The following RAB7A variants were observed in gnomAD, a reference collection of about 807,000 sequenced individuals.
The protein encoded by RAB7A is RAB7A, member RAS oncogene family, also known as ras-related protein Rab-7a.
A neutral mutation model predicts 24.5 loss-of-function variants in RAB7A; 2 were observed. That is an observed-to-expected ratio of 0.08 (90% CI 0.03 to 0.26). RAB7A has a LOEUF of 0.26. RAB7A is among the 10% of genes least tolerant of loss of function. The probability of loss-of-function intolerance (pLI) is 1.00; values close to 1 mark genes in which losing one functional copy is unlikely to be tolerated. For synonymous variants in RAB7A, 100 were observed against 95.9 expected (o/e 1.04, Z -0.25); for missense variants, 118 against 255.7 (o/e 0.46, Z 3.67).
chr3:128,807,388 G>A (rs1008851703), intron 4 of RAB7A, among the ~76,000 whole-genome samples, 155 bp from the exon 5 acceptor site: 2 of 152,024 alleles, frequency 1.3e-5, no homozygotes, highest in Non-Finnish European at 2.9e-5. Context: ...AAGTTTGGAC[G>A]GGTCTGCAGG....
intron 1 of RAB7A, among the ~76,000 whole-genome samples, chr3:128,773,484 C>T (rs1429617755): frequency 5.5e-5 from 8 of 144,726 alleles, no homozygotes; most frequent in Non-Finnish European, 9.5e-5. Flanking sequence ...GGTCAGCCCC[C>T]GCCCAGCAAG....
At chr3:128,779,018 T>G (rs766012013) in intron 1 of RAB7A, among the ~76,000 whole-genome samples, 1 of 152,208 alleles carries the variant, frequency 6.6e-6, no homozygotes, top group Non-Finnish European at 1.5e-5. Flanking sequence ...TAGGAGGAAG[T>G]TAATCATTAT....
At chr3:128,747,738 G>A (rs2070632084) in intron 1 of RAB7A, among the ~76,000 whole-genome samples, 1 of 151,490 alleles carries the variant, frequency 6.6e-6, no homozygotes, top group African/African-American at 2.4e-5. Context: ...CCTGCAGGAA[G>A]CAAAGGATTC....
chr3:128,737,338 CTTTTTTTTTT>C (rs34916629), intron 1 of RAB7A, among the ~76,000 whole-genome samples: 1 of 90,032 alleles, frequency 1.1e-5, no homozygotes, highest in Non-Finnish European at 2.0e-5. Context: ...CGCTCCCGGC[CTTTTTTTTTT>C]TTTTTTTTTT....
chr3:128,732,238 C>T (rs2070446052), intron 1 of RAB7A, among the ~76,000 whole-genome samples: 1 of 151,678 alleles, frequency 6.6e-6, no homozygotes, highest in Admixed American at 6.6e-5. Context: ...TGGGGTTTCA[C>T]CATGTTGGCC....
intron 1 of RAB7A, among the ~76,000 whole-genome samples, chr3:128,755,007 C>T (rs1393823106): frequency 6.6e-6 from 1 of 152,058 alleles, no homozygotes; most frequent in Non-Finnish European, 1.5e-5. Flanking sequence ...ATATAAGAAA[C>T]CAAGTAGATC....
intron 1 of RAB7A, among the ~76,000 whole-genome samples, chr3:128,773,983 C>T (rs1933018121): frequency 6.6e-6 from 1 of 151,236 alleles, no homozygotes; most frequent in Non-Finnish European, 1.5e-5. Flanking sequence ...AACCGGAGAC[C>T]TTTGTTCACT....
chr3:128,737,144 TCTC>T (rs2070497394), intron 1 of RAB7A, among the ~76,000 whole-genome samples: 2 of 151,244 alleles, frequency 1.3e-5, no homozygotes, highest in South Asian at 4.2e-4. Context: ...TTCACGCCCT[TCTC>T]CTGCCTCAGC....
intron 1 of RAB7A, among the ~76,000 whole-genome samples, chr3:128,730,874 T>C (rs992705282): frequency 3.3e-5 from 5 of 152,290 alleles, no homozygotes; most frequent in Admixed American, 3.3e-4. Flanking sequence ...CTGATTCTGT[T>C]GTCCACTTCT....
chr3:128,799,824 T>A (rs1933661087), intron 3 of RAB7A, among the ~76,000 whole-genome samples: 1 of 152,212 alleles, frequency 6.6e-6, no homozygotes, highest in Admixed American at 6.5e-5. Flanking sequence ...CATAAATCCC[T>A]GTCATTCCTG....
chr3:128,808,449 T>G (rs572098936), intron 5 of RAB7A, among the ~76,000 whole-genome samples: 1 of 152,252 alleles, frequency 6.6e-6, no homozygotes, highest in East Asian at 1.9e-4. Context: ...TGCAGGGTGA[T>G]TATGAAGATT....
At chr3:128,784,483 T>C (rs2107606402) in intron 1 of RAB7A, among the ~76,000 whole-genome samples, 2 of 152,218 alleles carry the variant, frequency 1.3e-5, no homozygotes, top group South Asian at 4.1e-4. Flanking sequence ...TCTCCTACCC[T>C]CCCCACTGCA....
At chr3:128,742,509 G>A (rs1008657548) in intron 1 of RAB7A, among the ~76,000 whole-genome samples, 3 of 152,110 alleles carry the variant, frequency 2.0e-5, no homozygotes, top group Non-Finnish European at 4.4e-5. Flanking sequence ...GATGCTGATT[G>A]GTGTGTTTAT....
chr3:128,742,105 T>G (rs564575802), intron 1 of RAB7A, among the ~76,000 whole-genome samples: 1 of 152,282 alleles, frequency 6.6e-6, no homozygotes, highest in East Asian at 1.9e-4. Flanking sequence ...TTCCTTCTGG[T>G]GGGTTCGTGG....
intron 1 of RAB7A, chr3:128,748,722 GCC>G (rs979542596): frequency 4.6e-5 from 7 of 152,216 alleles, no homozygotes; most frequent in African/African-American, 1.7e-4. Context: ...ACTCATGGAT[GCC>G]CCATAATCTA....
intron 1 of RAB7A, among the ~76,000 whole-genome samples, chr3:128,772,253 G>C (rs1932967078): frequency 6.6e-6 from 1 of 152,228 alleles, no homozygotes; most frequent in Non-Finnish European, 1.5e-5. Context: ...ACAACTTAGA[G>C]TTGCTGAAGG....
rs1300393161 is a variant in RAB7A, at chr3:128,797,865, T to C, written c.54-78T>C. ...TGTCCTTCAGGTCAGGCAGATTCTTTTAAATGCTTCAAGTAATTCGTGTCA... is the reference window on the plus strand; with the variant it reads ...TGTCCTTCAGGTCAGGCAGATTCTTCTAAATGCTTCAAGTAATTCGTGTCA... On this transcript the variant is annotated intron_variant, in intron 2 of 5. Coordinates refer to ENST00000265062, the MANE Select transcript of RAB7A (RefSeq NM_004637.6). The C allele has an allele frequency of 2.6e-6, 4 of 1,546,798 alleles. No homozygotes were observed. The African/African-American group carries it at 4.1e-5, about 16-fold the overall frequency.
At chr3:128,789,398 C>T (rs1360077547) in intron 1 of RAB7A, among the ~76,000 whole-genome samples, 2 of 149,340 alleles carry the variant, frequency 1.3e-5, no homozygotes, top group Non-Finnish European at 3.0e-5. Context: ...CGCAGTGATG[C>T]GATCTCGGCT....
chr3:128,746,084 C>T (rs1158194957), intron 1 of RAB7A, among the ~76,000 whole-genome samples: 1 of 152,162 alleles, frequency 6.6e-6, no homozygotes, highest in Non-Finnish European at 1.5e-5. Context: ...TCTGAAATGT[C>T]CAAATATTTA....
Sources: gnomAD v4.1 joint callset for allele counts (sites outside exome capture counted in the v4.1 genomes callset) on GRCh38, gnomAD v4.1.1 for gene constraint, MANE v1.5 for transcripts, NCBI Gene and HGNC (gene_info 2026-07-23, HGNC 2026-07-21) for gene names.